The following CADPS variants were observed in gnomAD, a reference collection of about 807,000 sequenced individuals.
CADPS encodes the protein calcium dependent secretion activator, also known as calcium-dependent secretion activator 1.
A neutral mutation model predicts 167.3 loss-of-function variants in CADPS; 57 were observed. The ratio of observed to expected loss-of-function variants is 0.34; its 90% CI spans 0.28 to 0.42. The LOEUF (loss-of-function observed/expected upper bound fraction) is 0.42, where lower values mean the gene tolerates loss of function less well. Among genes scored for constraint, CADPS ranks in the 20% least tolerant of loss-of-function variants. CADPS has a pLI of 1.00. For missense variants in CADPS, 1,414 were observed against 1,738.1 expected, an observed-to-expected ratio of 0.81 and a Z score of 3.32; for synonymous variants, 676 against 635.3, an observed-to-expected ratio of 1.06 and a Z score of -0.96.
At chr3:62,522,968 C>T (rs986860613) in intron 13 of CADPS, among the ~76,000 whole-genome samples, 8 of 152,128 alleles carry the variant, frequency 5.3e-5, no homozygotes, top group African/African-American at 1.2e-4. Context: ...TCTGACACGG[C>T]GGGCATCTCC....
At position 62,695,856 on chromosome 3, in the gene CADPS, C is replaced by T. The variant is rs2080172477; in HGVS notation, c.889-33462G>A. The stretch of plus-strand genomic sequence containing the variant: ...AGGCATGAGCCACCAGCCTGGCCCC[C>T]AAACCTGTTTTTGGCCATGCTCTGA... On this transcript the variant is annotated intron_variant, in intron 3 of 29. Transcript: ENST00000383710. Among the ~76,000 whole-genome samples the T allele has an allele frequency of 1.3e-5, 2 of 152,058 alleles. 1 individual carries two copies. The highest frequency in any genetic ancestry group is 4.1e-4 in the South Asian group (2 of 4,830).
At chr3:62,715,241 T>G (rs558243455) in intron 3 of CADPS, among the ~76,000 whole-genome samples, 33 of 152,174 alleles carry the variant, frequency 2.2e-4, no homozygotes, top group African/African-American at 7.7e-4. Flanking sequence ...ATTATACTAT[T>G]CTCTTTATTT....
Position 62,702,392 on chromosome 3 carries a change from A to C in CADPS, c.889-39998T>G, listed in dbSNP as rs79779362. ...TTAAGCTGCCAGTTCCAATTCTAGG[A>C]ACTGAGCCTGTCGGGGGAAGAATGA... On this transcript the variant is annotated intron_variant, in intron 3 of 29. Coordinates refer to ENST00000383710, the MANE Select transcript of CADPS (RefSeq NM_003716.4). Among the ~76,000 whole-genome samples, 1,087 of 152,234 alleles carry C rather than the reference A, an allele frequency of 7.1e-3. 19 individuals carry two copies. Among genetic ancestry groups the C allele is most frequent in the African/African-American group, 0.025 (1,028 of 41,524 alleles).
At chr3:62,804,211 T>A (rs958071290) in intron 1 of CADPS, among the ~76,000 whole-genome samples, 4 of 152,082 alleles carry the variant, frequency 2.6e-5, no homozygotes, top group Non-Finnish European at 5.9e-5. Context: ...AGGACCACAA[T>A]AAATACTTGA....
intron 6 of CADPS, among the ~76,000 whole-genome samples, chr3:62,605,252 A>AAAC (rs1553982037): frequency 0.033 from 4,218 of 127,766 alleles, 149 homozygotes; most frequent in African/African-American, 0.12. Context: ...GGGAAAAACA[A>AAAC]AAAAAAAAAA....
At chr3:62,634,274 A>C (rs1415110649) in intron 6 of CADPS, among the ~76,000 whole-genome samples, 1 of 152,132 alleles carries the variant, frequency 6.6e-6, no homozygotes. Context: ...AAGTGATATA[A>C]TGTTCTTCTT....
intron 3 of CADPS, among the ~76,000 whole-genome samples, chr3:62,727,397 T>A: frequency 6.6e-6 from 1 of 151,898 alleles, no homozygotes; most frequent in East Asian, 1.9e-4. Flanking sequence ...TAGGCAAAAC[T>A]AATTTGTAAG....
Position 62,874,613 on chromosome 3 carries a change from G to A in CADPS, c.417C>T (p.Thr139=), listed in dbSNP as rs1272146452. The part of the protein sequence containing the change: ...IAYPFNAKQP[T]DMARRQQKIS... ...CCTTCTGCTGCCGGCGAGCCATGTCGGTGGGCTGCTTGGCATTAAAGGGGT... is the reference window on the plus strand; with the variant it reads ...CCTTCTGCTGCCGGCGAGCCATGTCAGTGGGCTGCTTGGCATTAAAGGGGT... Residue 139 remains threonine (T), a synonymous_variant, in exon 1 of 30, where the codon ACC becomes ACT. Transcript: ENST00000383710. This position sits in a 1 kb window ranked among gnomAD's most constrained non-coding sequence, Gnocchi z 7.1. 2 of 1,558,500 alleles carry A rather than the reference G, an allele frequency of 1.3e-6. No homozygotes were observed. The highest frequency in any genetic ancestry group is 2.4e-5 in the East Asian group (1 of 41,672).
intron 11 of CADPS, among the ~76,000 whole-genome samples, chr3:62,543,796 C>T (rs546314645): frequency 2.0e-5 from 3 of 152,038 alleles, no homozygotes; most frequent in Non-Finnish European, 2.9e-5. Context: ...TTTCTAACTC[C>T]GTCTAACGTC....
intron 4 of CADPS, among the ~76,000 whole-genome samples, chr3:62,657,446 C>G (rs948944461): frequency 1.3e-5 from 2 of 152,160 alleles, no homozygotes; most frequent in Non-Finnish European, 2.9e-5. Context: ...CACAGCAGCA[C>G]TAATGCCACA....
chr3:62,730,117 C>T (rs2077489384), intron 3 of CADPS, among the ~76,000 whole-genome samples: 1 of 149,640 alleles, frequency 6.7e-6, no homozygotes, highest in Admixed American at 6.6e-5. Context: ...TAGAGTCCTT[C>T]TGTCACTTCA....
intron 3 of CADPS, among the ~76,000 whole-genome samples, chr3:62,738,028 G>T (rs546366525): frequency 6.6e-6 from 1 of 151,970 alleles, no homozygotes; most frequent in South Asian, 2.1e-4. Context: ...TACATTTGCT[G>T]CTATATCCTC....
chr3:62,692,725 G>A (rs890914795), intron 3 of CADPS, among the ~76,000 whole-genome samples: 2 of 152,010 alleles, frequency 1.3e-5, no homozygotes, highest in Non-Finnish European at 2.9e-5. Flanking sequence ...CTGCTTTGAT[G>A]CTTCACTCCT....
At chr3:62,776,561 G>A (rs892124497) in intron 1 of CADPS, among the ~76,000 whole-genome samples, 2 of 152,196 alleles carry the variant, frequency 1.3e-5, no homozygotes, top group Non-Finnish European at 2.9e-5. Flanking sequence ...GGCTGAGGCA[G>A]GAGAATGGCG....
chr3:62,796,544 A>C (rs1236021581), intron 1 of CADPS: 1 of 152,210 alleles, frequency 6.6e-6, no homozygotes, highest in Non-Finnish European at 1.5e-5. Flanking sequence ...ACATAAGAAG[A>C]CAAATGATGT....
At chr3:62,643,903 A>G (rs1191373418) in intron 6 of CADPS, among the ~76,000 whole-genome samples, 1 of 152,224 alleles carries the variant, frequency 6.6e-6, no homozygotes, top group Non-Finnish European at 1.5e-5. Context: ...AATAACTGGG[A>G]TTTCATCAAT....
intron 1 of CADPS, among the ~76,000 whole-genome samples, chr3:62,835,255 G>T (rs2075729151): frequency 6.6e-6 from 1 of 152,028 alleles, no homozygotes; most frequent in African/African-American, 2.4e-5. Context: ...AAAAAATAAA[G>T]AACTGATATT....
intron 29 of CADPS, among the ~76,000 whole-genome samples, chr3:62,400,305 TC>T (rs1191603346): frequency 2.6e-5 from 4 of 152,242 alleles, no homozygotes; most frequent in African/African-American, 9.6e-5. Context: ...CTTTCTTTGT[TC>T]CTTCAGGCAG....
At chr3:62,721,530 A>G (rs2075826783) in intron 3 of CADPS, among the ~76,000 whole-genome samples, 1 of 152,102 alleles carries the variant, frequency 6.6e-6, no homozygotes, top group South Asian at 2.1e-4. Context: ...TTCAGAAAAC[A>G]CTTTAATTGG....
Sources: allele counts gnomAD v4.1 joint callset (sites outside exome capture counted in the v4.1 genomes callset), GRCh38; gene constraint gnomAD v4.1.1; non-coding constraint Gnocchi (gnomAD v3.1); transcripts MANE v1.5; gene names NCBI Gene and HGNC (gene_info 2026-07-23, HGNC 2026-07-21).